Variants in SPAG16 observed in about 807,000 individuals in gnomAD.
SPAG16 encodes the protein sperm associated antigen 16.
A neutral mutation model predicts 80.4 loss-of-function variants in SPAG16; 86 were observed. The observed-to-expected ratio is 1.07, with a 90% CI of 0.90 to 1.28. The LOEUF (loss-of-function observed/expected upper bound fraction) is 1.28. Among genes scored for constraint, SPAG16 ranks in the 50% most tolerant of loss-of-function variants. SPAG16 has a pLI of 0.00. For missense variants in SPAG16, 870 were observed against 765.3 expected (o/e 1.14, Z -1.61); for synonymous variants, 294 against 265.9 (o/e 1.11, Z -1.03).
In SPAG16 at chr2:213,893,778, C is replaced by T. The variant is rs369942773; in HGVS notation, c.1214+31150C>T. ...AAAAATAAAAAGCAACAAATTAAACCATACTAGCAGAGAAAATCAAAATCT... is the reference window on the plus strand; with the variant it reads ...AAAAATAAAAAGCAACAAATTAAACTATACTAGCAGAGAAAATCAAAATCT... On this transcript the variant is annotated intron_variant, in intron 11 of 15. Transcript: ENST00000331683. Among the ~76,000 whole-genome samples, 5 of 151,904 alleles carry T rather than the reference C, an allele frequency of 3.3e-5. 1 individual carries two copies. Among genetic ancestry groups the T allele is most frequent in the South Asian group, 2.1e-4 (1 of 4,808 alleles).
At chr2:214,123,420 T>C (rs2054314202) in intron 14 of SPAG16, among the ~76,000 whole-genome samples, 1 of 152,048 alleles carries the variant, frequency 6.6e-6, no homozygotes, top group Admixed American at 6.6e-5. Context: ...TCGTTTGTTT[T>C]CTATATATGT....
chr2:213,538,366 A>G (rs1393763129), intron 10 of SPAG16, among the ~76,000 whole-genome samples: 3 of 152,130 alleles, frequency 2.0e-5, no homozygotes, highest in Non-Finnish European at 2.9e-5. Flanking sequence ...AATTTATTAT[A>G]TATGTCCTTA....
At chr2:213,665,464 AATTGAGGTTTTCCTTTTCCACAAGAAAG>A (rs1275313930) in intron 10 of SPAG16, among the ~76,000 whole-genome samples, 1 of 152,090 alleles carries the variant, frequency 6.6e-6, no homozygotes, top group East Asian at 1.9e-4. Context: ...GGATATGTTG[AATTGAGGTTTTCCTTTTCCACAAGAAAG>A]ATTGCAAATT....
At chr2:213,326,296 C>A (rs953732981) in intron 5 of SPAG16, among the ~76,000 whole-genome samples, 1 of 151,852 alleles carries the variant, frequency 6.6e-6, no homozygotes, top group Non-Finnish European at 1.5e-5. Context: ...TACTAAGGGG[C>A]CTTTATTTCA....
At chr2:214,365,738 G>C (rs747832456) in intron 15 of SPAG16, among the ~76,000 whole-genome samples, 12 of 151,964 alleles carry the variant, frequency 7.9e-5, no homozygotes, top group Admixed American at 5.9e-4. Flanking sequence ...TCAAAAACAG[G>C]GTTGTAGGGA....
chr2:214,410,008 C>T, intron 15 of SPAG16, 132 bp from the exon 16 acceptor site: 1 of 858,102 alleles, frequency 1.2e-6, no homozygotes, highest in Admixed American at 2.4e-5. Context: ...GGAGCTACTG[C>T]ATATTTAATA....
At position 213,529,876 on chromosome 2, in the gene SPAG16, C is replaced by T. The variant is rs112500730; in HGVS notation, c.1070+39786C>T. Among the ~76,000 whole-genome samples the T allele has an allele frequency of 1.2e-3, 181 of 152,116 alleles. 2 individuals are homozygous for T. Among genetic ancestry groups the T allele is most frequent in the Middle Eastern group, 3.4e-3 (1 of 294 alleles). Reference sequence around the variant, plus strand: ...GACATTTTTTTCTATTTTTAAAATGCTTTATAATTTTTAGTTTTTTGAAAG... The same window carrying T: ...GACATTTTTTTCTATTTTTAAAATGTTTTATAATTTTTAGTTTTTTGAAAG... On this transcript the variant is annotated intron_variant, in intron 10 of 15. Coordinates refer to ENST00000331683, the MANE Select transcript of SPAG16 (RefSeq NM_024532.5).
intron 15 of SPAG16, among the ~76,000 whole-genome samples, chr2:214,372,193 T>C (rs1442603555): frequency 6.6e-6 from 1 of 152,166 alleles, no homozygotes; most frequent in African/African-American, 2.4e-5. Context: ...AAGAATCATA[T>C]ACAAAGGTGA....
intron 10 of SPAG16, among the ~76,000 whole-genome samples, chr2:213,504,434 C>G (rs566384248): frequency 6.6e-6 from 1 of 151,950 alleles, no homozygotes; most frequent in South Asian, 2.1e-4. Context: ...GGTTAAAAAC[C>G]TGAAAGTAGA....
intron 10 of SPAG16, among the ~76,000 whole-genome samples, chr2:213,836,177 C>CG (rs777943640): frequency 7.3e-5 from 1 of 13,750 alleles, no homozygotes; most frequent in South Asian, 0.011. Flanking sequence ...TCATTATTCG[C>CG]CCCCCCCCCC....
chr2:213,401,381 T>C (rs1285363858), intron 9 of SPAG16, among the ~76,000 whole-genome samples: 2 of 152,256 alleles, frequency 1.3e-5, no homozygotes, highest in African/African-American at 4.8e-5. Context: ...TTCCGTTGTT[T>C]TGCTGTTTCA....
At chr2:213,580,191 G>C (rs2060256882) in intron 10 of SPAG16, among the ~76,000 whole-genome samples, 1 of 150,678 alleles carries the variant, frequency 6.6e-6, no homozygotes, top group African/African-American at 2.4e-5. Flanking sequence ...AGACAAAGAA[G>C]AATCTACACA....
chr2:214,180,348 T>G, intron 15 of SPAG16, among the ~76,000 whole-genome samples: 1 of 133,412 alleles, frequency 7.5e-6, no homozygotes, highest in African/African-American at 2.4e-5. Flanking sequence ...TGTTCATATG[T>G]TGCCACAGTG....
chr2:213,400,942 G>A lies in SPAG16; in HGVS notation c.942+25823G>A, dbSNP rs546778168. The stretch of plus-strand genomic sequence containing the variant: ...CCCACCTCAGCCTTCCAAGTAGCTG[G>A]GACTACAGGCCTGCACCACCACACC... On this transcript the variant is annotated intron_variant, in intron 9 of 15. Transcript: ENST00000331683. Among the ~76,000 whole-genome samples the A allele has an allele frequency of 1.1e-4, 17 of 152,004 alleles. No individual in the cohort carries two copies. The South Asian group carries it at 3.5e-3, about 32-fold the overall frequency.
chr2:213,789,874 A>G (rs2070582126), intron 10 of SPAG16, among the ~76,000 whole-genome samples: 2 of 151,856 alleles, frequency 1.3e-5, no homozygotes, highest in African/African-American at 4.8e-5. Flanking sequence ...GTAAATCCCT[A>G]ATTTCTCCAA....
chr2:213,396,989 A>G (rs1265292448), intron 9 of SPAG16, among the ~76,000 whole-genome samples: 1 of 152,114 alleles, frequency 6.6e-6, no homozygotes, highest in Non-Finnish European at 1.5e-5. Flanking sequence ...AGTCCTTTAT[A>G]TTTTAATATT....
chr2:213,295,844 A>G (rs1460008481), intron 1 of SPAG16, among the ~76,000 whole-genome samples: 2 of 152,164 alleles, frequency 1.3e-5, no homozygotes, highest in Non-Finnish European at 2.9e-5. Context: ...GTAGGTTTTC[A>G]TGGATTTGAG....
chr2:213,825,384 T>C (rs2073210983), intron 10 of SPAG16, among the ~76,000 whole-genome samples: 1 of 152,136 alleles, frequency 6.6e-6, no homozygotes, highest in Non-Finnish European at 1.5e-5. Flanking sequence ...CTTTAATATG[T>C]TGAGGTATGT....
At chr2:213,697,987 A>G (rs1278384653) in intron 10 of SPAG16, among the ~76,000 whole-genome samples, 1 of 151,988 alleles carries the variant, frequency 6.6e-6, no homozygotes, top group African/African-American at 2.4e-5. Context: ...ACTCTCGTCA[A>G]CTTCTTTTTT....
Sources: allele counts gnomAD v4.1 joint callset (sites outside exome capture counted in the v4.1 genomes callset), GRCh38; gene constraint gnomAD v4.1.1; transcripts MANE v1.5; gene names NCBI Gene and HGNC (gene_info 2026-07-23, HGNC 2026-07-21).